The following ATP10A variants were observed in gnomAD, a reference collection of about 807,000 sequenced individuals.
ATP10A encodes phospholipid-transporting ATPase VA.
ATP10A carries 111 observed loss-of-function variants against 147.8 expected under a neutral mutation model. The ratio of observed to expected loss-of-function variants is 0.75; its 90% CI spans 0.64 to 0.88. The LOEUF (loss-of-function observed/expected upper bound fraction) is 0.88. ATP10A is among the 40% of genes least tolerant of loss of function. The pLI is 0.00. For missense variants in ATP10A, 1,927 were observed against 1,959.0 expected (o/e 0.98, Z 0.31); for synonymous variants, 875 against 841.6 (o/e 1.04, Z -0.69).
chr15:25,742,385 G>T (rs374617154), intron 2 of ATP10A, among the ~76,000 whole-genome samples: 15 of 152,352 alleles, frequency 9.8e-5, no homozygotes, highest in African/African-American at 3.4e-4. Flanking sequence ...ACCAGTGTTA[G>T]AGATCAAGTG....
chr15:25,755,437 A>G (rs1888362368), intron 2 of ATP10A, among the ~76,000 whole-genome samples: 1 of 152,224 alleles, frequency 6.6e-6, no homozygotes, highest in Non-Finnish European at 1.5e-5. Flanking sequence ...AACAGCACAA[A>G]TGAGCTTTTG....
At chr15:25,827,965 T>A (rs540695974) in intron 1 of ATP10A, among the ~76,000 whole-genome samples, 35 of 152,214 alleles carry the variant, frequency 2.3e-4, no homozygotes, top group African/African-American at 8.4e-4. Context: ...AAAGTTACAC[T>A]GTGCAAAAAG....
At chr15:25,797,177 C>T (rs1890710582) in intron 1 of ATP10A, among the ~76,000 whole-genome samples, 1 of 152,110 alleles carries the variant, frequency 6.6e-6, no homozygotes, top group South Asian at 2.1e-4. Context: ...TCTATGAATT[C>T]AACATTTTTA....
chr15:25,677,170 T>C (rs144166059), downstream of ATP10A: 1 of 152,312 alleles, frequency 6.6e-6, no homozygotes, highest in East Asian at 1.9e-4. Context: ...TTCCTACTTA[T>C]TTTAGATTTG....
intron 1 of ATP10A, among the ~76,000 whole-genome samples, chr15:25,839,758 T>C (rs1892733737): frequency 6.6e-6 from 1 of 152,184 alleles, no homozygotes; most frequent in Non-Finnish European, 1.5e-5. Context: ...TACAGATTCA[T>C]AGGAAGTTGC....
chr15:25,766,487 A>C (rs1441537953), intron 2 of ATP10A, among the ~76,000 whole-genome samples: 1 of 151,958 alleles, frequency 6.6e-6, no homozygotes, highest in East Asian at 1.9e-4. Flanking sequence ...CTCCACCAGC[A>C]TCTCCCTCCC....
chr15:25,808,655 A>C (rs572951934), intron 1 of ATP10A, among the ~76,000 whole-genome samples: 20 of 152,318 alleles, frequency 1.3e-4, no homozygotes, highest in African/African-American at 4.8e-4. Flanking sequence ...AAGTTCTGGG[A>C]TTACAAGCGT....
intron 1 of ATP10A, among the ~76,000 whole-genome samples, chr15:25,787,326 G>A (rs113357186): frequency 6.6e-6 from 1 of 152,040 alleles, no homozygotes; most frequent in Admixed American, 6.6e-5. Context: ...CTTGAGAAAC[G>A]GTGGAGGCCA....
chr15:25,676,177 C>T (rs1366316187), downstream of ATP10A, among the ~76,000 whole-genome samples: 3 of 152,042 alleles, frequency 2.0e-5, no homozygotes, highest in Non-Finnish European at 2.9e-5. Context: ...AGTAGAGATG[C>T]GAGGAAAGCA....
At chr15:25,730,595 G>A (rs1175428004) in intron 3 of ATP10A, among the ~76,000 whole-genome samples, 1 of 152,116 alleles carries the variant, frequency 6.6e-6, no homozygotes, top group African/African-American at 2.4e-5. Flanking sequence ...TAGCAAAGAT[G>A]CACCCTTACC....
intron 1 of ATP10A, among the ~76,000 whole-genome samples, chr15:25,853,222 A>G (rs1356593372): frequency 6.6e-6 from 1 of 152,210 alleles, no homozygotes; most frequent in African/African-American, 2.4e-5. Flanking sequence ...AAAAAAGCAG[A>G]AATCAAAATA....
At chr15:25,728,145 A>C (rs1473986558) in intron 3 of ATP10A, among the ~76,000 whole-genome samples, 1 of 151,886 alleles carries the variant, frequency 6.6e-6, no homozygotes, top group Non-Finnish European at 1.5e-5. Context: ...CATTCCCCAC[A>C]CTCTCAAGCC....
intron 1 of ATP10A, among the ~76,000 whole-genome samples, chr15:25,836,308 T>C (rs901618663): frequency 6.6e-5 from 10 of 152,194 alleles, no homozygotes; most frequent in Non-Finnish European, 1.3e-4. Flanking sequence ...TTCCCAGCTA[T>C]ATAACTTCAA....
In ATP10A at chr15:25,862,941, C is replaced by T. The variant is rs764598540; in HGVS notation, c.156G>A (p.Arg52=). The T allele has an allele frequency of 1.3e-6, 2 of 1,574,630 alleles. No homozygotes were observed. The highest frequency in any genetic ancestry group is 3.6e-5 in the Admixed American group (2 of 56,074). The part of the protein sequence containing the change: ...AGAAKGERRR[R]RGCAQHLADN... ...CGGCCAGGTGCTGGGCACACCCGCG[C>T]CGCCGTCGCCGCTCGCCCTTGGCCG... Residue 52 remains arginine (R), a synonymous_variant, in exon 1 of 21, where the codon CGG becomes CGA. Transcript: ENST00000555815.
At chr15:25,724,917 A>G (rs1444690193) in intron 5 of ATP10A, among the ~76,000 whole-genome samples, 1 of 152,256 alleles carries the variant, frequency 6.6e-6, no homozygotes, top group Non-Finnish European at 1.5e-5. Context: ...TAAACAACAC[A>G]GTATAACCAT....
rs764787442 is a variant in ATP10A at position 25,727,218 on chromosome 15, C to A, written c.789G>T (p.Leu263=). 3 of 1,614,046 alleles carry A rather than the reference C, an allele frequency of 1.9e-6. No homozygotes were observed. Among genetic ancestry groups the A allele is most frequent in the Non-Finnish European group, 8.5e-7 (1 of 1,179,986 alleles). Residue 263 remains leucine, a synonymous_variant, in exon 4 of 21, where the codon CTG becomes CTT. Coordinates refer to ENST00000555815, the MANE Select transcript of ATP10A (RefSeq NM_024490.4). ...TGTTCCTAAGGGTGCAGCCCCTCAG[C>A]AGCAGGTTTTCTTTATACAGCCCGG... The part of the protein sequence containing the change: ...KKAGLYKENL[L]LRGCTLRNTD...
intron 1 of ATP10A, among the ~76,000 whole-genome samples, chr15:25,826,026 A>G (rs1892098505): frequency 6.6e-6 from 1 of 152,218 alleles, no homozygotes; most frequent in Admixed American, 6.5e-5. Context: ...GAAAAGTACA[A>G]TAAATGAAAT....
At chr15:25,685,569 T>A (rs564812164) in intron 16 of ATP10A, among the ~76,000 whole-genome samples, 7 of 152,170 alleles carry the variant, frequency 4.6e-5, no homozygotes, top group Non-Finnish European at 1.0e-4. Context: ...TGGTGGTTCA[T>A]GCCTATAATA....
chr15:25,677,663 C>G (rs184358564), downstream of ATP10A: 2 of 152,442 alleles, frequency 1.3e-5, no homozygotes, highest in African/African-American at 4.8e-5. Flanking sequence ...TCAGGCTGGG[C>G]AGGGTTGGGA....
Sources: allele counts gnomAD v4.1 joint callset (sites outside exome capture counted in the v4.1 genomes callset), GRCh38; gene constraint gnomAD v4.1.1; transcripts MANE v1.5; gene names NCBI Gene and HGNC (gene_info 2026-07-23, HGNC 2026-07-21).